The following AASS variants were observed in gnomAD, a reference collection of about 807,000 sequenced individuals.
The protein encoded by AASS is aminoadipate-semialdehyde synthase, also known as alpha-aminoadipic semialdehyde synthase, mitochondrial.
AASS carries 86 observed loss-of-function variants against 105.4 expected under a neutral mutation model. The observed-to-expected ratio is 0.82, with a 90% confidence interval of 0.69 to 0.98. AASS has a LOEUF of 0.98. AASS is among the 50% of genes least tolerant of loss of function. The pLI is 0.00. For synonymous variants in AASS, 381 were observed against 394.8 expected (o/e 0.96, Z 0.41); for missense variants, 1,048 against 1,143.2 (o/e 0.92, Z 1.20).
chr7:122,095,555 G>C (rs1198694313), intron 15 of AASS, among the ~76,000 whole-genome samples: 1 of 148,328 alleles, frequency 6.7e-6, no homozygotes, highest in Admixed American at 6.7e-5. Flanking sequence ...AATTCATTCT[G>C]CATAGTTCAG....
At chr7:122,088,406 T>C (rs1485298688) in intron 18 of AASS, among the ~76,000 whole-genome samples, 2 of 152,128 alleles carry the variant, frequency 1.3e-5, no homozygotes, top group Non-Finnish European at 2.9e-5. Context: ...ATGAAACAAC[T>C]CATTTTTCAG....
chr7:122,130,440 A>C (rs570126686), intron 2 of AASS, among the ~76,000 whole-genome samples: 4 of 152,164 alleles, frequency 2.6e-5, no homozygotes, highest in African/African-American at 9.6e-5. Flanking sequence ...AATAAGTAAC[A>C]ATCATTGATA....
At chr7:122,119,216 G>A (rs1047882386) in intron 4 of AASS, among the ~76,000 whole-genome samples, 9 of 151,988 alleles carry the variant, frequency 5.9e-5, no homozygotes, top group South Asian at 2.1e-4. Flanking sequence ...TTAATCCTAC[G>A]TTTCTGTAGG....
chr7:122,123,596 G>A (rs1451575506), intron 4 of AASS, among the ~76,000 whole-genome samples: 3 of 152,172 alleles, frequency 2.0e-5, no homozygotes, highest in South Asian at 2.1e-4. Context: ...CAATGGGTAT[G>A]AGCAGAAATA....
At chr7:122,105,403 T>G (rs1422420424) in intron 11 of AASS, among the ~76,000 whole-genome samples, 1 of 152,066 alleles carries the variant, frequency 6.6e-6, no homozygotes, top group Non-Finnish European at 1.5e-5. Context: ...ATAGAACTTT[T>G]TATCCAGTAG....
chr7:122,118,967 C>G (rs62472933), intron 4 of AASS, among the ~76,000 whole-genome samples: 1,756 of 152,274 alleles, frequency 0.012, 19 homozygotes, highest in Non-Finnish European at 0.018. Context: ...CCCTCACTAT[C>G]CTTCCCTATT....
chr7:122,119,502 C>A (rs1380843173), intron 4 of AASS, among the ~76,000 whole-genome samples: 1 of 152,158 alleles, frequency 6.6e-6, no homozygotes, highest in African/African-American at 2.4e-5. Flanking sequence ...ACCTGAGCAT[C>A]CATTCTTTCC....
Position 122,079,589 on chromosome 7 carries a change from G to A in AASS, c.2396+8C>T, listed in dbSNP as rs773331008. ...TATTTTGCTCTAAGTTGAGTGGTGGGTGCCTACCATTCAGCAGCCTCCAAC... is the reference window on the plus strand; with the variant it reads ...TATTTTGCTCTAAGTTGAGTGGTGGATGCCTACCATTCAGCAGCCTCCAAC... On this transcript the variant is annotated splice_region_variant and intron_variant, in intron 21 of 23. Transcript: ENST00000417368. 2 of 1,590,412 alleles carry A rather than the reference G, an allele frequency of 1.3e-6. No homozygotes were observed. The highest frequency in any genetic ancestry group is 2.2e-5 in the South Asian group (2 of 90,590).
intron 13 of AASS, among the ~76,000 whole-genome samples, chr7:122,101,076 G>A (rs146364296): frequency 6.6e-6 from 1 of 151,882 alleles, no homozygotes; most frequent in East Asian, 1.9e-4. Context: ...TCAAAAGCTA[G>A]AGAAAAACAA....
intron 3 of AASS, among the ~76,000 whole-genome samples, chr7:122,126,676 G>A (rs1795671106): frequency 6.6e-6 from 1 of 152,112 alleles, no homozygotes; most frequent in Non-Finnish European, 1.5e-5. Flanking sequence ...AATGTTTGTA[G>A]CAGGTGCTAT....
Position 122,126,453 on chromosome 7 carries a change from G to C in AASS, c.394C>G (p.Arg132Gly). ...ACCATTTTCTCATAATCAATAAGGCGAATTTCCTGAAAAGAGGATAAAAAA... is the reference window on the plus strand; with the variant it reads ...ACCATTTTCTCATAATCAATAAGGCCAATTTCCTGAAAAGAGGATAAAAAA... ...LLDEILKQEI[R>G]LIDYEKMVDH... Residue 132 changes from arginine to glycine, a missense_variant, in exon 4 of 24, where the codon CGC becomes GGC. Physicochemically the swap from Arg to Gly is moderately radical, Grantham distance 125 (BLOSUM62 -2). Transcript: ENST00000417368. 1 of 1,613,404 alleles carries C rather than the reference G, an allele frequency of 6.2e-7. No individual in the cohort carries two copies. Among genetic ancestry groups the C allele is most frequent in the East Asian group, 2.2e-5 (1 of 44,856 alleles).
chr7:122,087,431 G>C (rs936113667), intron 18 of AASS, among the ~76,000 whole-genome samples: 6 of 152,156 alleles, frequency 3.9e-5, no homozygotes, highest in Non-Finnish European at 8.8e-5. Context: ...AGGATGTGAG[G>C]AATGCCTTCC....
intron 18 of AASS, among the ~76,000 whole-genome samples, chr7:122,088,466 T>C (rs1793737567): frequency 6.6e-6 from 1 of 152,158 alleles, no homozygotes; most frequent in Admixed American, 6.6e-5. Flanking sequence ...AACCCAGTTC[T>C]ATTTGACTGC....
chr7:122,094,626 A>G (rs947690799), intron 15 of AASS, among the ~76,000 whole-genome samples: 2 of 152,198 alleles, frequency 1.3e-5, no homozygotes, highest in African/African-American at 4.8e-5. Context: ...ACTCATTTAT[A>G]TAACACTCAT....
At chr7:122,077,778 G>T in intron 23 of AASS, 60 bp downstream of exon 23, 1 of 1,585,676 alleles carries the variant, frequency 6.3e-7, no homozygotes, top group Non-Finnish European at 8.7e-7. Context: ...TGATGTCCAG[G>T]CACCAAATGG....
intron 12 of AASS, 66 bp downstream of exon 12, chr7:122,101,555 A>G (rs1455294959): frequency 1.1e-5 from 17 of 1,497,292 alleles, no homozygotes; most frequent in Non-Finnish European, 1.6e-5. Flanking sequence ...AGAGAAACAG[A>G]GAGAAGAGAG....
At position 122,098,873 on chromosome 7, in the gene AASS, A is replaced by G. The variant is rs754045402; in HGVS notation, c.1407-7T>C. 3 of 266,514 alleles carry G rather than the reference A, an allele frequency of 1.1e-5. No homozygotes were observed. The African/African-American group carries it at 1.5e-4, about 14-fold the overall frequency. 16.5% of individuals were successfully genotyped at this position (266,514 alleles called of 1,614,324 possible). On this transcript the variant is annotated splice_polypyrimidine_tract_variant and splice_region_variant and intron_variant, in intron 13 of 23. Transcript: ENST00000417368. ...AAGTGACTGAGCACGTTCCCTATTT[A>G]AAAAAAAAAAAAAAAAAAAAAAAGG...
At chr7:122,111,573 C>T (rs945383373) in intron 11 of AASS, among the ~76,000 whole-genome samples, 3 of 152,072 alleles carry the variant, frequency 2.0e-5, no homozygotes, top group Admixed American at 6.5e-5. Context: ...TAAACATTTA[C>T]CATTATAAAA....
chr7:122,107,487 G>C (rs1794719110), intron 11 of AASS, among the ~76,000 whole-genome samples: 1 of 152,076 alleles, frequency 6.6e-6, no homozygotes, highest in Non-Finnish European at 1.5e-5. Flanking sequence ...GTAAATAGCA[G>C]AGACATGGAC....
Sources: gnomAD v4.1 joint callset for allele counts (sites outside exome capture counted in the v4.1 genomes callset) on GRCh38, gnomAD v4.1.1 for gene constraint, MANE v1.5 for transcripts, NCBI Gene and HGNC (gene_info 2026-07-23, HGNC 2026-07-21) for gene names.